The following HS6ST3 variants were observed in gnomAD, a reference collection of about 807,000 sequenced individuals.
HS6ST3 encodes heparan sulfate 6-O-sulfotransferase 3.
A neutral mutation model predicts 36.7 loss-of-function variants in HS6ST3; 12 were observed. The ratio of observed to expected loss-of-function variants is 0.33; its 90% confidence interval spans 0.21 to 0.53. The LOEUF is 0.53. HS6ST3 is among the 20% of genes least tolerant of loss of function. The pLI is 0.95. For missense variants in HS6ST3, 584 were observed against 640.9 expected, an observed-to-expected ratio of 0.91 and a Z score of 0.96; for synonymous variants, 240 against 257.5, an observed-to-expected ratio of 0.93 and a Z score of 0.65.
chr13:96,627,059 T>C (rs1275229203), intron 1 of HS6ST3, among the ~76,000 whole-genome samples: 2 of 152,090 alleles, frequency 1.3e-5, no homozygotes, highest in African/African-American at 4.8e-5. Context: ...GGCAGGGATC[T>C]CTCATCCAAT....
intron 1 of HS6ST3, among the ~76,000 whole-genome samples, chr13:96,717,616 G>A (rs1194768364): frequency 1.3e-5 from 2 of 152,208 alleles, no homozygotes; most frequent in African/African-American, 2.4e-5. Context: ...TAAGTACTGT[G>A]TCAGGTACCA....
intron 1 of HS6ST3, among the ~76,000 whole-genome samples, chr13:96,797,752 A>G (rs1188699072): frequency 6.6e-6 from 1 of 152,064 alleles, no homozygotes; most frequent in Non-Finnish European, 1.5e-5. Context: ...AACACAGAAG[A>G]CTTATGTGCC....
chr13:96,346,488 T>C (rs949265035), intron 1 of HS6ST3, among the ~76,000 whole-genome samples: 5 of 150,626 alleles, frequency 3.3e-5, no homozygotes, highest in Non-Finnish European at 5.9e-5. Flanking sequence ...GGCAGGAGAA[T>C]GGCGTGAACC....
chr13:96,194,778 A>G (rs987359888), intron 1 of HS6ST3, among the ~76,000 whole-genome samples: 1 of 144,540 alleles, frequency 6.9e-6, no homozygotes, highest in Non-Finnish European at 1.5e-5. Flanking sequence ...CATTTCACTC[A>G]CCCCCAAGCC....
At chr13:96,501,525 C>A (rs1019157369) in intron 1 of HS6ST3, among the ~76,000 whole-genome samples, 6 of 152,140 alleles carry the variant, frequency 3.9e-5, no homozygotes, top group Non-Finnish European at 8.8e-5. Flanking sequence ...ATAATAGTAA[C>A]CTACTTCATA....
chr13:96,742,073 G>A (rs956808435), intron 1 of HS6ST3, among the ~76,000 whole-genome samples: 4 of 152,076 alleles, frequency 2.6e-5, no homozygotes, highest in African/African-American at 9.7e-5. Flanking sequence ...GTGTGAAAGC[G>A]GTAGCTATGA....
intron 1 of HS6ST3, among the ~76,000 whole-genome samples, chr13:96,225,802 C>G (rs1357363745): frequency 6.6e-6 from 1 of 151,900 alleles, no homozygotes; most frequent in Non-Finnish European, 1.5e-5. Context: ...TTAAGTATCT[C>G]AAGATTTAAG....
intron 1 of HS6ST3, among the ~76,000 whole-genome samples, chr13:96,219,582 G>A (rs2054444497): frequency 6.6e-6 from 1 of 152,184 alleles, no homozygotes; most frequent in Non-Finnish European, 1.5e-5. Context: ...ATGATTTCCT[G>A]TGACTGTATT....
chr13:96,544,533 T>G (rs912934220), intron 1 of HS6ST3, among the ~76,000 whole-genome samples: 6 of 152,224 alleles, frequency 3.9e-5, no homozygotes. Flanking sequence ...ACTTTGCCAC[T>G]GAAAATGATC....
In HS6ST3 at chr13:96,637,228, T is replaced by C. The variant is rs567264973; in HGVS notation, c.708-195262T>C. On this transcript the variant is annotated intron_variant, in intron 1 of 1. Transcript: ENST00000376705. Reference sequence around the variant, plus strand: ...ACCTTTATGCAAGATAGGAAAAATATTTACCTTACCAGATTGGTATGATAA... The same window carrying C: ...ACCTTTATGCAAGATAGGAAAAATACTTACCTTACCAGATTGGTATGATAA... Among the ~76,000 whole-genome samples, 257 of 152,214 alleles carry C rather than the reference T, an allele frequency of 1.7e-3. 2 individuals carry two copies. Among genetic ancestry groups the C allele is most frequent in the African/African-American group, 6.0e-3 (251 of 41,558 alleles).
chr13:96,183,080 C>A (rs2054247032), intron 1 of HS6ST3, among the ~76,000 whole-genome samples: 1 of 152,154 alleles, frequency 6.6e-6, no homozygotes, highest in Non-Finnish European at 1.5e-5. Flanking sequence ...TGTTGTTTTT[C>A]TGTTACCAAA....
intron 1 of HS6ST3, among the ~76,000 whole-genome samples, chr13:96,184,320 G>C (rs1383267700): frequency 1.3e-5 from 2 of 151,168 alleles, no homozygotes; most frequent in African/African-American, 4.9e-5. Flanking sequence ...CTTTTGTCAT[G>C]CTATCTGTTG....
intron 1 of HS6ST3, among the ~76,000 whole-genome samples, chr13:96,478,471 G>T (rs2055874779): frequency 1.3e-5 from 2 of 152,128 alleles, no homozygotes; most frequent in South Asian, 4.2e-4. Context: ...CTGGCAGGGG[G>T]GTTAAGTAAG....
chr13:96,591,881 G>GT (rs140763770), intron 1 of HS6ST3, among the ~76,000 whole-genome samples: 2,432 of 147,246 alleles, frequency 0.017, 55 homozygotes, highest in African/African-American at 0.054. Context: ...TCTATACCCA[G>GT]TTTTTTTTTT....
chr13:96,409,042 C>T (rs1448953064), intron 1 of HS6ST3, among the ~76,000 whole-genome samples: 1 of 152,106 alleles, frequency 6.6e-6, no homozygotes, highest in Non-Finnish European at 1.5e-5. Flanking sequence ...ATAGAAACAC[C>T]CAAGGGATTC....
intron 1 of HS6ST3, among the ~76,000 whole-genome samples, chr13:96,715,382 T>C (rs1031048118): frequency 6.6e-6 from 1 of 152,174 alleles, no homozygotes; most frequent in African/African-American, 2.4e-5. Flanking sequence ...TGTTTTACTT[T>C]TTTTAGCTTA....
chr13:96,101,030 A>G (rs933381822), intron 1 of HS6ST3, among the ~76,000 whole-genome samples: 1 of 152,172 alleles, frequency 6.6e-6, no homozygotes, highest in Non-Finnish European at 1.5e-5. Context: ...CAGTTAGCAC[A>G]GACAAAGTGA....
chr13:96,326,472 C>T (rs892605357), intron 1 of HS6ST3, among the ~76,000 whole-genome samples: 3 of 151,876 alleles, frequency 2.0e-5, no homozygotes, highest in African/African-American at 4.8e-5. Flanking sequence ...ATGATGGTTC[C>T]CAGCTTCATC....
intron 1 of HS6ST3, among the ~76,000 whole-genome samples, chr13:96,147,458 C>A (rs2139321093): frequency 6.6e-6 from 1 of 152,334 alleles, no homozygotes; most frequent in African/African-American, 2.4e-5. Flanking sequence ...TTCAATGTTG[C>A]TTCATTATAA....
Sources: gnomAD v4.1 joint callset for allele counts (sites outside exome capture counted in the v4.1 genomes callset) on GRCh38, gnomAD v4.1.1 for gene constraint, MANE v1.5 for transcripts, NCBI Gene and HGNC (gene_info 2026-07-23, HGNC 2026-07-21) for gene names.